The following NALCN variants were observed in gnomAD, a reference collection of about 807,000 sequenced individuals.
The protein encoded by NALCN is sodium leak channel, non-selective.
Under a neutral mutation model 225.3 loss-of-function variants are expected in NALCN, and 111 were observed. The ratio of observed to expected loss-of-function variants is 0.49; its 90% CI spans 0.42 to 0.58. The LOEUF (loss-of-function observed/expected upper bound fraction) is 0.58, where lower values mean the gene tolerates loss of function less well. Ranked by LOEUF, NALCN falls within the 20% of genes least tolerant of loss-of-function variation. The pLI is 0.00. For synonymous variants in NALCN, 764 were observed against 769.0 expected (o/e 0.99, Z 0.11); for missense variants, 1,378 against 2,202.4 (o/e 0.63, Z 7.49).
rs59237663 is a variant in NALCN, at chr13:101,378,411, C to T, written c.375+159G>A. Among the ~76,000 whole-genome samples, 32,657 of 151,924 alleles carry T rather than the reference C, an allele frequency of 0.21. 3,655 individuals are homozygous for T. Among genetic ancestry groups the T allele is most frequent in the Non-Finnish European group, 0.24 (16,229 of 67,920 alleles). On this transcript the variant is annotated intron_variant, in intron 4 of 43. Transcript: ENST00000251127. ...TTTCAAATATGTCAGAGTAAACAGA[C>T]TAATCACATCTGTTAAAATAAAAAT...
chr13:101,139,650 T>C (rs914007146), intron 17 of NALCN, among the ~76,000 whole-genome samples: 3 of 152,136 alleles, frequency 2.0e-5, no homozygotes, highest in Non-Finnish European at 4.4e-5. Flanking sequence ...GTCACTTTAC[T>C]GTGACTAGGA....
intron 10 of NALCN, among the ~76,000 whole-genome samples, chr13:101,274,808 C>T (rs978117543): frequency 6.6e-6 from 1 of 152,036 alleles, no homozygotes; most frequent in Non-Finnish European, 1.5e-5. Flanking sequence ...ATAAACTTCT[C>T]AAGTCCTATA....
intron 13 of NALCN, among the ~76,000 whole-genome samples, chr13:101,213,267 C>T (rs2040597199): frequency 6.6e-6 from 1 of 152,106 alleles, no homozygotes; most frequent in Admixed American, 6.6e-5. Context: ...AAACTGGATC[C>T]CTTCCTTACA....
At chr13:101,268,277 G>A (rs2042661983) in intron 10 of NALCN, among the ~76,000 whole-genome samples, 1 of 152,164 alleles carries the variant, frequency 6.6e-6, no homozygotes, top group African/African-American at 2.4e-5. Flanking sequence ...CATGTTTACT[G>A]ATGTCATGTT....
chr13:101,132,997 C>A (rs1413621134), intron 17 of NALCN, among the ~76,000 whole-genome samples: 1 of 152,128 alleles, frequency 6.6e-6, no homozygotes, highest in Non-Finnish European at 1.5e-5. Context: ...TTTCCTAACT[C>A]ATTAAAGCTA....
intron 10 of NALCN, among the ~76,000 whole-genome samples, chr13:101,279,305 T>C (rs1232374493): frequency 6.6e-6 from 1 of 152,094 alleles, no homozygotes; most frequent in Non-Finnish European, 1.5e-5. Context: ...TCTGTGAAAA[T>C]GTCAGTGCTT....
intron 13 of NALCN, 145 bp downstream of exon 13, chr13:101,229,248 T>C (rs2041257163): frequency 1.3e-6 from 1 of 785,164 alleles, no homozygotes; most frequent in Admixed American, 3.4e-5. Context: ...GAAGAGACAA[T>C]TTTAAATATT....
chr13:101,105,800 G>C (rs1375237101), intron 22 of NALCN, among the ~76,000 whole-genome samples: 2 of 152,158 alleles, frequency 1.3e-5, no homozygotes, highest in South Asian at 2.1e-4. Flanking sequence ...AATCAAGAGA[G>C]AGCCAGGTAG....
intron 13 of NALCN, among the ~76,000 whole-genome samples, chr13:101,205,509 T>C (rs956348305): frequency 2.0e-5 from 3 of 152,144 alleles, no homozygotes; most frequent in African/African-American, 4.8e-5. Flanking sequence ...CAGAGCATGG[T>C]ATTTTTAGTT....
chr13:101,252,439 G>A (rs2042089251), intron 11 of NALCN, among the ~76,000 whole-genome samples: 1 of 152,254 alleles, frequency 6.6e-6, no homozygotes, highest in South Asian at 2.1e-4. Flanking sequence ...CCTCTTAATA[G>A]CAGAGCTTTT....
chr13:101,235,964 G>C (rs2041539102), intron 12 of NALCN, among the ~76,000 whole-genome samples: 1 of 152,068 alleles, frequency 6.6e-6, no homozygotes, highest in Admixed American at 6.6e-5. Context: ...TTTTTCCTAA[G>C]GGGTTAGAGT....
At chr13:101,106,031 T>C (rs906166072) in intron 22 of NALCN, among the ~76,000 whole-genome samples, 1 of 152,192 alleles carries the variant, frequency 6.6e-6, no homozygotes, top group Non-Finnish European at 1.5e-5. Context: ...TCTCATAGTT[T>C]TGGAGGCTGG....
At chr13:101,059,795 C>G in intron 42 of NALCN, 23 bp downstream of exon 42, 1 of 1,612,290 alleles carries the variant, frequency 6.2e-7, no homozygotes, top group African/African-American at 1.3e-5. Context: ...TGTCCTGGGA[C>G]AGAGGACGCC....
In NALCN at chr13:101,095,619, A is replaced by G; in HGVS notation, c.3224T>C (p.Leu1075Ser). The G allele has an allele frequency of 6.2e-7, 1 of 1,613,558 alleles. No homozygotes were observed. Among genetic ancestry groups the G allele is most frequent in the Non-Finnish European group, 8.5e-7 (1 of 1,179,744 alleles). The change falls in exon 28 of 44, where the codon TTG becomes TCG. Residue 1075 changes from leucine (L) to serine (S), a missense_variant. Physicochemically the swap from Leu to Ser is moderately radical, Grantham distance 145. Transcript: ENST00000251127. The stretch of plus-strand genomic sequence containing the variant: ...TCCAGGTTTTTTCTCTCCAGGCCTC[A>G]ATTTTAAATTTAAGTTCTTTGACAC... ...VSVSKNLNLK[L>S]RPGEKKPGFW...
intron 1 of NALCN, among the ~76,000 whole-genome samples, chr13:101,400,590 T>C (rs200031773): frequency 0.039 from 5,524 of 142,786 alleles, 183 homozygotes; most frequent in East Asian, 0.096. Flanking sequence ...TGCACGTGTG[T>C]GCGCGCGCAC....
intron 1 of NALCN, among the ~76,000 whole-genome samples, chr13:101,403,045 T>C (rs1221517098): frequency 6.6e-6 from 1 of 151,748 alleles, no homozygotes; most frequent in African/African-American, 2.4e-5. Context: ...TTTCAAAATG[T>C]TCCCTCTTTT....
intron 26 of NALCN, among the ~76,000 whole-genome samples, chr13:101,101,795 A>G (rs2034836963): frequency 6.6e-6 from 1 of 152,144 alleles, no homozygotes; most frequent in South Asian, 2.1e-4. Context: ...AAAATATGGA[A>G]CAAGTGAACT....
chr13:101,131,463 C>A (rs1015828413), intron 17 of NALCN, among the ~76,000 whole-genome samples: 2 of 152,088 alleles, frequency 1.3e-5, no homozygotes, highest in African/African-American at 4.8e-5. Flanking sequence ...TTTAATATAT[C>A]GATCAAATAT....
At chr13:101,085,683 C>T (rs537997498) in intron 30 of NALCN, among the ~76,000 whole-genome samples, 20 of 152,126 alleles carry the variant, frequency 1.3e-4, no homozygotes, top group East Asian at 9.7e-4. Flanking sequence ...TACAATTATG[C>T]GCTGATTAAA....
Sources: allele counts gnomAD v4.1 joint callset (sites outside exome capture counted in the v4.1 genomes callset), GRCh38; gene constraint gnomAD v4.1.1; transcripts MANE v1.5; gene names NCBI Gene and HGNC (gene_info 2026-07-23, HGNC 2026-07-21).